FSTL5: variants seen among roughly 807,000 people sequenced by gnomAD.
The protein encoded by FSTL5 is follistatin-related protein 5.
A neutral mutation model predicts 89.1 loss-of-function variants in FSTL5; 62 were observed. The observed-to-expected ratio is 0.70, with a 90% CI of 0.57 to 0.86. FSTL5 has a LOEUF of 0.86. FSTL5 is among the 40% of genes least tolerant of loss of function. The probability of loss-of-function intolerance (pLI) is 0.00; values close to 1 mark genes in which losing one functional copy is unlikely to be tolerated. For synonymous variants in FSTL5, 383 were observed against 346.2 expected (o/e 1.11, Z -1.18); for missense variants, 1,057 against 1,001.6 (o/e 1.06, Z -0.75).
intron 4 of FSTL5, among the ~76,000 whole-genome samples, chr4:161,804,356 G>A (rs575015001): frequency 5.6e-4 from 85 of 152,040 alleles, no homozygotes; most frequent in African/African-American, 1.9e-3. Context: ...TCAGGGACAG[G>A]TTCTGCCTAC....
intron 8 of FSTL5, among the ~76,000 whole-genome samples, chr4:161,545,034 GATTA>G (rs1219660630): frequency 6.6e-6 from 1 of 151,988 alleles, no homozygotes; most frequent in African/African-American, 2.4e-5. Context: ...GTGAGATGTG[GATTA>G]ATTGATAACT....
At chr4:161,485,500 G>C (rs1318048043) in intron 12 of FSTL5, among the ~76,000 whole-genome samples, 1 of 152,150 alleles carries the variant, frequency 6.6e-6, no homozygotes, top group South Asian at 2.1e-4. Flanking sequence ...GTTTCAAAGA[G>C]AGAGATAATA....
At chr4:161,825,494 G>A (rs1475695558) in intron 4 of FSTL5, among the ~76,000 whole-genome samples, 1 of 152,110 alleles carries the variant, frequency 6.6e-6, no homozygotes, top group African/African-American at 2.4e-5. Context: ...GTGTCTGATA[G>A]AATTCAGCTG....
chr4:161,824,180 A>G (rs779369209), intron 4 of FSTL5, among the ~76,000 whole-genome samples: 18 of 152,190 alleles, frequency 1.2e-4, no homozygotes, highest in South Asian at 4.1e-4. Flanking sequence ...TCTTGAGTTG[A>G]TTTTTATGTA....
At chr4:161,869,405 TC>T (rs1282290964) in intron 4 of FSTL5, among the ~76,000 whole-genome samples, 1 of 152,196 alleles carries the variant, frequency 6.6e-6, no homozygotes, top group African/African-American at 2.4e-5. Context: ...CAAATAAGGT[TC>T]TTAATCTATA....
chr4:161,680,042 A>G (rs959983338), intron 6 of FSTL5, among the ~76,000 whole-genome samples: 9 of 151,882 alleles, frequency 5.9e-5, no homozygotes, highest in Non-Finnish European at 1.3e-4. Flanking sequence ...TTTTTAAATC[A>G]AAACATAATT....
chr4:161,560,060 C>A (rs543390753), intron 8 of FSTL5, among the ~76,000 whole-genome samples: 1 of 142,458 alleles, frequency 7.0e-6, no homozygotes, highest in East Asian at 2.1e-4. Flanking sequence ...ATTTTTTTTT[C>A]TTTTAGCTCA....
intron 15 of FSTL5, among the ~76,000 whole-genome samples, chr4:161,403,141 A>C (rs1043095069): frequency 6.6e-6 from 1 of 152,088 alleles, no homozygotes; most frequent in Non-Finnish European, 1.5e-5. Context: ...CAGAACTATT[A>C]ATAATCATTA....
chr4:162,024,706 G>C (rs1277393300), intron 3 of FSTL5, among the ~76,000 whole-genome samples: 1 of 151,900 alleles, frequency 6.6e-6, no homozygotes, highest in Non-Finnish European at 1.5e-5. Context: ...CTATTACCCA[G>C]GCTAGAATGC....
chr4:161,503,106 A>G (rs1730356218), intron 11 of FSTL5, among the ~76,000 whole-genome samples: 1 of 151,796 alleles, frequency 6.6e-6, no homozygotes, highest in Admixed American at 6.6e-5. Context: ...AATGTTAGAC[A>G]GTGTGATAAT....
chr4:161,920,362 G>T (rs558824128), intron 4 of FSTL5, 42 bp downstream of exon 4: 9 of 1,587,108 alleles, frequency 5.7e-6, no homozygotes, highest in Non-Finnish European at 6.0e-6. Flanking sequence ...AGAAAGAAAA[G>T]AAATAGAGTG....
At chr4:162,052,893 G>C (rs1417709149) in intron 2 of FSTL5, among the ~76,000 whole-genome samples, 1 of 151,558 alleles carries the variant, frequency 6.6e-6, no homozygotes, top group Admixed American at 6.6e-5. Flanking sequence ...CCTAATTGTT[G>C]TTAAAAAGCA....
At chr4:161,442,110 A>AATTGC (rs571183531) in intron 15 of FSTL5, among the ~76,000 whole-genome samples, 39 of 149,038 alleles carry the variant, frequency 2.6e-4, no homozygotes, top group African/African-American at 9.6e-4. Flanking sequence ...CCAATCAAGT[A>AATTGC]TTTGCTTTGC....
At chr4:161,640,371 T>C (rs1045570163) in intron 7 of FSTL5, among the ~76,000 whole-genome samples, 3 of 152,138 alleles carry the variant, frequency 2.0e-5, no homozygotes, top group African/African-American at 7.2e-5. Context: ...AACAAAGGTT[T>C]TAGACGATTG....
chr4:161,746,963 T>A (rs1056662764), intron 6 of FSTL5, among the ~76,000 whole-genome samples: 2 of 152,198 alleles, frequency 1.3e-5, no homozygotes, highest in Non-Finnish European at 2.9e-5. Flanking sequence ...CCCCAAGGAC[T>A]CTTATTCAGC....
At chr4:161,935,405 C>G (rs1386269645) in intron 3 of FSTL5, among the ~76,000 whole-genome samples, 1 of 152,110 alleles carries the variant, frequency 6.6e-6, no homozygotes, top group Non-Finnish European at 1.5e-5. Flanking sequence ...TGATGTCTTT[C>G]TGAAAAGATA....
chr4:161,840,293 T>C (rs569821984), intron 4 of FSTL5, among the ~76,000 whole-genome samples: 104 of 152,258 alleles, frequency 6.8e-4, no homozygotes, highest in African/African-American at 1.9e-3. Context: ...ATTTATGTTT[T>C]CAAATGACTT....
intron 4 of FSTL5, among the ~76,000 whole-genome samples, chr4:161,890,686 T>TA (rs5863497): frequency 0.31 from 35,502 of 114,834 alleles, 5,135 homozygotes; most frequent in Non-Finnish European, 0.33. Flanking sequence ...AGACTCTGTC[T>TA]AAAAAAAAAA....
At chr4:161,406,174 A>G (rs990293042) in intron 15 of FSTL5, among the ~76,000 whole-genome samples, 2 of 152,178 alleles carry the variant, frequency 1.3e-5, no homozygotes, top group Non-Finnish European at 2.9e-5. Context: ...ACATGGGTAA[A>G]AAATGAAGTC....
Sources: gnomAD v4.1 joint callset for allele counts (sites outside exome capture counted in the v4.1 genomes callset) on GRCh38, gnomAD v4.1.1 for gene constraint, MANE v1.5 for transcripts, NCBI Gene and HGNC (gene_info 2026-07-23, HGNC 2026-07-21) for gene names.